NSUN7: variants seen among roughly 807,000 people sequenced by gnomAD.
The protein encoded by NSUN7 is NOP2/Sun RNA methyltransferase family member 7.
NSUN7 carries 39 observed loss-of-function variants against 58.5 expected under a neutral mutation model. The observed-to-expected ratio is 0.67, with a 90% CI of 0.52 to 0.87. The LOEUF (loss-of-function observed/expected upper bound fraction) is 0.87, where lower values mean the gene tolerates loss of function less well. NSUN7 is among the 40% of genes least tolerant of loss of function. NSUN7 has a pLI of 0.00. For missense variants in NSUN7, 765 were observed against 844.1 expected (o/e 0.91, Z 1.16); for synonymous variants, 278 against 303.7 (o/e 0.92, Z 0.88).
chr4:40,803,732 T>C (rs1743702344), intron 10 of NSUN7, among the ~76,000 whole-genome samples: 1 of 152,234 alleles, frequency 6.6e-6, no homozygotes, highest in Non-Finnish European at 1.5e-5. Context: ...CACCATTAAC[T>C]TTTGTATATG....
chr4:40,810,708 T>C lies in NSUN7; in HGVS notation c.*1769T>C, dbSNP rs997066372. On this transcript the variant is annotated 3_prime_UTR_variant, in exon 12 of 12. Transcript: ENST00000381782. ...ATGTTATCACTCTTGTACAGAAAGA[T>C]ATAAAGTGCTCAGCTTATTTTGCTG... 2 of 151,976 alleles carry C rather than the reference T, an allele frequency of 1.3e-5. No individual in the cohort carries two copies. The highest frequency in any genetic ancestry group is 2.1e-4 in the South Asian group (1 of 4,832). 9.4% of individuals were successfully genotyped at this position (151,976 alleles called of 1,614,324 possible).
intron 7 of NSUN7, among the ~76,000 whole-genome samples, chr4:40,781,064 C>T (rs188661398): frequency 8.7e-4 from 132 of 151,154 alleles, no homozygotes; most frequent in African/African-American, 2.9e-3. Context: ...GTGATCCACC[C>T]GCCTCGGCAT....
intron 8 of NSUN7, among the ~76,000 whole-genome samples, chr4:40,792,759 A>AT (rs1743150071): frequency 2.7e-5 from 3 of 110,478 alleles, no homozygotes; most frequent in African/African-American, 1.1e-4. Flanking sequence ...CATTTAAAAA[A>AT]AAAAAAGTTG....
intron 4 of NSUN7, among the ~76,000 whole-genome samples, chr4:40,764,430 T>G (rs995875511): frequency 6.6e-6 from 1 of 151,966 alleles, no homozygotes; most frequent in Non-Finnish European, 1.5e-5. Context: ...TATGGCTGCA[T>G]AGTATTCCAT....
chr4:40,776,683 A>G (rs1360757625), intron 7 of NSUN7, among the ~76,000 whole-genome samples: 1 of 151,936 alleles, frequency 6.6e-6, no homozygotes, highest in Non-Finnish European at 1.5e-5. Context: ...TGATATGATC[A>G]CAGTTCACCA....
At chr4:40,759,028 CGCCGG>C (rs1741310290) in intron 2 of NSUN7, among the ~76,000 whole-genome samples, 1 of 152,040 alleles carries the variant, frequency 6.6e-6, no homozygotes, top group African/African-American at 2.4e-5. Context: ...ATTTGTTATA[CGCCGG>C]GCACGGTGGC....
In NSUN7 at chr4:40,756,224, C is replaced by T. The variant is rs2437329; in HGVS notation, c.299-4210C>T. On this transcript the variant is annotated intron_variant, in intron 2 of 11. Transcript: ENST00000381782. ...CCAGGCCTGCTGAGCAGGAAGAGGGCGAGAGATACCCCAGTTCCTTCTTCC... is the reference window on the plus strand; with the variant it reads ...CCAGGCCTGCTGAGCAGGAAGAGGGTGAGAGATACCCCAGTTCCTTCTTCC... Among the ~76,000 whole-genome samples, 637 of 152,298 alleles carry T rather than the reference C, an allele frequency of 4.2e-3. 3 individuals carry two copies. The highest frequency in any genetic ancestry group is 0.015 in the African/African-American group (606 of 41,562).
At position 40,808,835 on chromosome 4, in the gene NSUN7, C is replaced by T. The variant is rs556942314; in HGVS notation, c.2053C>T (p.Leu685Phe). ...CTGTCGTTGGGTTGCACCCAAGGCA[C>T]TTGTGCCCACCTGCCTTCCCACACA... The part of the protein sequence containing the change: ...LYCRWVAPKA[L>F]VPTCLPTHSL... The change falls in exon 12 of 12, where the codon CTT becomes TTT. Residue 685 changes from leucine (L) to phenylalanine (F), a missense_variant. Leu to Phe is a conservative substitution (Grantham distance 22). Coordinates refer to ENST00000381782, the MANE Select transcript of NSUN7 (RefSeq NM_024677.6). 6.5e-7 allele frequency: 1 copy of T among 1,549,754 alleles called. No homozygotes were observed. The highest frequency in any genetic ancestry group is 8.7e-7 in the Non-Finnish European group (1 of 1,146,796).
chr4:40,759,392 G>A (rs201141842), intron 2 of NSUN7, among the ~76,000 whole-genome samples: 2 of 152,142 alleles, frequency 1.3e-5, no homozygotes, highest in South Asian at 2.1e-4. Context: ...AAGAACACTC[G>A]TGTTCCCTGT....
rs938621971 is a variant in NSUN7, at chr4:40,809,139, C to A, written c.*200C>A. On this transcript the variant is annotated 3_prime_UTR_variant, in exon 12 of 12. Transcript: ENST00000381782. ...GAGTCAGCAAAGCAGAATTCAGAGA[C>A]TTCAGCCAATCACTGCTGCTCTGAG... 3.5e-6 allele frequency: 2 copies of A among 567,578 alleles called. No individual in the cohort carries two copies. Among genetic ancestry groups the A allele is most frequent in the Non-Finnish European group, 6.0e-6 (2 of 334,268 alleles). 35.2% of individuals were successfully genotyped at this position (567,578 alleles called of 1,614,324 possible).
In NSUN7 at chr4:40,774,860, A is replaced by T; in HGVS notation, c.735A>T (p.Gln245His). The T allele has an allele frequency of 4.1e-6, 6 of 1,470,788 alleles. No homozygotes were observed. The highest frequency in any genetic ancestry group is 5.7e-6 in the Non-Finnish European group (6 of 1,050,516). The allele number at this position is 1,470,788 out of a possible 1,614,324, so 91.1% of individuals were successfully genotyped here. A position where few individuals can be genotyped will look rare whatever the true frequency, so the allele number is the denominator to read the frequency against. ...ATGATAAAGTCTTTGCTGTGGATCA[A>T]CATTGCTATGATGTCTTAATTTTTC... is the stretch of plus-strand genomic sequence containing the variant. Reference protein sequence around the residue: ...HIDDKVFAVDQHCYDVLIFPS... With the variant: ...HIDDKVFAVDHHCYDVLIFPS... The change falls in exon 6 of 12, where the codon CAA (glutamine) becomes CAT (histidine). Residue 245 changes from glutamine to histidine, a missense_variant. Physicochemically the swap from Gln to His is conservative, Grantham distance 24. Coordinates refer to ENST00000381782, the MANE Select transcript of NSUN7 (RefSeq NM_024677.6).
chr4:40,760,545 A>C (rs918409606), intron 3 of NSUN7, 53 bp downstream of exon 3: 3 of 1,365,892 alleles, frequency 2.2e-6, no homozygotes, highest in Admixed American at 3.8e-5. Context: ...TTTAAAAAAG[A>C]AAGTGTTTAA....
intron 10 of NSUN7, among the ~76,000 whole-genome samples, chr4:40,804,954 C>T (rs765869814): frequency 2.0e-5 from 3 of 152,102 alleles, no homozygotes; most frequent in Non-Finnish European, 4.4e-5. Context: ...CTCACCAGGC[C>T]ATTCCTTGCT....
intron 2 of NSUN7, among the ~76,000 whole-genome samples, chr4:40,751,252 A>C (rs977017560): frequency 2.6e-5 from 4 of 152,094 alleles, no homozygotes; most frequent in African/African-American, 9.7e-5. Context: ...TCAACAAGGA[A>C]ACAATTTATT....
At chr4:40,774,115 A>G (rs982219237) in intron 4 of NSUN7, 150 bp from the exon 5 acceptor site, 5 of 764,638 alleles carry the variant, frequency 6.5e-6, no homozygotes, top group Non-Finnish European at 8.5e-6. Flanking sequence ...TCTATTTACA[A>G]ATATGACACA....
intron 1 of NSUN7, 129 bp downstream of exon 1, chr4:40,750,429 C>CT: frequency 2.3e-6 from 1 of 438,536 alleles, no homozygotes; most frequent in Non-Finnish European, 4.1e-6. Flanking sequence ...CCCTCCGCCG[C>CT]TGCACCCCTC....
At chr4:40,792,568 G>A (rs576347531) in intron 8 of NSUN7, among the ~76,000 whole-genome samples, 11 of 152,196 alleles carry the variant, frequency 7.2e-5, no homozygotes, top group Admixed American at 2.6e-4. Flanking sequence ...TGGCTAACAC[G>A]GTGAAACCCC....
chr4:40,758,805 A>G (rs1691078917), intron 2 of NSUN7, among the ~76,000 whole-genome samples: 2 of 152,158 alleles, frequency 1.3e-5, no homozygotes, highest in Admixed American at 1.3e-4. Flanking sequence ...GGGTTGCTTG[A>G]GCCCAGGAGG....
intron 10 of NSUN7, among the ~76,000 whole-genome samples, chr4:40,805,745 T>C (rs1203247989): frequency 6.6e-6 from 1 of 152,180 alleles, no homozygotes; most frequent in Non-Finnish European, 1.5e-5. Context: ...TCCTGGGGCC[T>C]GTGCTGGAGA....
Sources: gnomAD v4.1 joint callset for allele counts (sites outside exome capture counted in the v4.1 genomes callset) on GRCh38, gnomAD v4.1.1 for gene constraint, MANE v1.5 for transcripts, NCBI Gene and HGNC (gene_info 2026-07-23, HGNC 2026-07-21) for gene names.